Variants in MAF observed in about 807,000 individuals in gnomAD.
MAF encodes the protein MAF bZIP transcription factor, also known as transcription factor Maf.
In MAF, 10 loss-of-function variants were observed where a neutral mutation model predicts 22.0. The observed-to-expected ratio is 0.45, with a 90% confidence interval of 0.28 to 0.77. The LOEUF (loss-of-function observed/expected upper bound fraction) is 0.77. MAF is among the 30% of genes least tolerant of loss of function. The pLI, the probability that MAF is intolerant of heterozygous loss-of-function variation, is 0.12. For missense variants in MAF, 544 were observed against 548.4 expected (o/e 0.99, Z 0.08); for synonymous variants, 337 against 255.8 (o/e 1.32, Z -3.03).
At chr16:79,503,137 G>C in the MAF span, among the ~76,000 whole-genome samples, 1 of 152,168 alleles carries the variant, frequency 6.6e-6, no homozygotes, top group Admixed American at 6.5e-5. Context: ...CACAAGTTCA[G>C]AAATCAATTA....
At chr16:79,524,773 C>A in the MAF span, among the ~76,000 whole-genome samples, 1 of 152,176 alleles carries the variant, frequency 6.6e-6, no homozygotes, top group Non-Finnish European at 1.5e-5. Context: ...AATTCTTTAT[C>A]CCATTGGATA....
the MAF span, among the ~76,000 whole-genome samples, chr16:79,294,259 T>C: frequency 6.6e-6 from 1 of 152,212 alleles, no homozygotes; most frequent in Non-Finnish European, 1.5e-5. Context: ...CCTCTTAGAC[T>C]CTTGTATATG....
chr16:79,218,433 A>T, the MAF span, among the ~76,000 whole-genome samples: 1 of 152,194 alleles, frequency 6.6e-6, no homozygotes, highest in Middle Eastern at 3.4e-3. Flanking sequence ...CTATCAATTG[A>T]TCTCCTCAGC....
the MAF span, among the ~76,000 whole-genome samples, chr16:79,282,659 A>G: frequency 2.6e-3 from 392 of 152,324 alleles, 2 homozygotes; most frequent in African/African-American, 9.0e-3. Context: ...AAATTCTCAA[A>G]TTACTCAGTA....
the MAF span, among the ~76,000 whole-genome samples, chr16:79,447,029 G>C: frequency 6.6e-6 from 1 of 152,116 alleles, no homozygotes; most frequent in East Asian, 1.9e-4. Context: ...TTATAAATTG[G>C]GTGTATTCAA....
chr16:79,351,557 T>G, the MAF span, among the ~76,000 whole-genome samples: 1 of 151,882 alleles, frequency 6.6e-6, no homozygotes, highest in Non-Finnish European at 1.5e-5. Flanking sequence ...AATCTCAGAG[T>G]CACAGAGACC....
chr16:79,258,741 T>C, the MAF span, among the ~76,000 whole-genome samples: 2 of 152,158 alleles, frequency 1.3e-5, no homozygotes, highest in African/African-American at 4.8e-5. Context: ...GTGATCTAAA[T>C]AGACATCCCC....
At chr16:79,520,955 T>C in the MAF span, among the ~76,000 whole-genome samples, 9 of 152,200 alleles carry the variant, frequency 5.9e-5, no homozygotes, top group Admixed American at 5.2e-4. Context: ...ATATTTTAGA[T>C]GAATAAACTG....
the MAF span, among the ~76,000 whole-genome samples, chr16:79,550,981 C>T: frequency 0.011 from 1,741 of 152,168 alleles, 37 homozygotes; most frequent in African/African-American, 0.04. Context: ...TTTGGAGGCC[C>T]CCGTGGCCTC....
At chr16:79,468,001 T>A in the MAF span, among the ~76,000 whole-genome samples, 21 of 152,254 alleles carry the variant, frequency 1.4e-4, no homozygotes, top group Admixed American at 1.3e-4. Flanking sequence ...TTAACATTAT[T>A]GATTGATCAG....
chr16:79,429,381 C>T, the MAF span, among the ~76,000 whole-genome samples: 1 of 152,164 alleles, frequency 6.6e-6, no homozygotes, highest in Admixed American at 6.5e-5. Flanking sequence ...TGTGTGCCTC[C>T]TCTTTCTCTC....
At chr16:79,453,417 C>A in the MAF span, among the ~76,000 whole-genome samples, 1 of 152,172 alleles carries the variant, frequency 6.6e-6, no homozygotes, top group African/African-American at 2.4e-5. Context: ...TCCTATACAT[C>A]TTGATAGAAG....
chr16:79,359,949 T>TG, the MAF span, among the ~76,000 whole-genome samples: 1 of 152,304 alleles, frequency 6.6e-6, no homozygotes, highest in South Asian at 2.1e-4. Flanking sequence ...TGTGAAGGAT[T>TG]GCCATTCATG....
the MAF span, among the ~76,000 whole-genome samples, chr16:79,534,730 G>A: frequency 2.0e-5 from 3 of 151,960 alleles, no homozygotes; most frequent in African/African-American, 7.3e-5. Flanking sequence ...AGAACTTAAA[G>A]TATAATTTAA....
the MAF span, among the ~76,000 whole-genome samples, chr16:79,379,816 C>A: frequency 6.6e-6 from 1 of 152,152 alleles, no homozygotes; most frequent in Non-Finnish European, 1.5e-5. Flanking sequence ...AGCGGTAAAG[C>A]TCTGTGCTTG....
At chr16:79,329,849 C>A in the MAF span, among the ~76,000 whole-genome samples, 1 of 152,124 alleles carries the variant, frequency 6.6e-6, no homozygotes, top group African/African-American at 2.4e-5. Context: ...TCTCTTCCAA[C>A]TCGATTATCT....
the MAF span, among the ~76,000 whole-genome samples, chr16:79,574,059 A>G: frequency 1.3e-5 from 2 of 152,262 alleles, no homozygotes; most frequent in Non-Finnish European, 2.9e-5. Context: ...TGTGTTGGAC[A>G]CAAAAATAAA....
the MAF span, among the ~76,000 whole-genome samples, chr16:79,578,000 A>G: frequency 2.0e-5 from 3 of 152,150 alleles, no homozygotes; most frequent in African/African-American, 7.2e-5. Context: ...TCTGGTTTCA[A>G]ATTTATGTCT....
At chr16:79,536,261 C>T in the MAF span, among the ~76,000 whole-genome samples, 22 of 152,366 alleles carry the variant, frequency 1.4e-4, no homozygotes, top group African/African-American at 3.4e-4. Flanking sequence ...CAGTCAACAA[C>T]AGCAACAACA....
Sources: gnomAD v4.1 joint callset for allele counts (sites outside exome capture counted in the v4.1 genomes callset) on GRCh38, gnomAD v4.1.1 for gene constraint, MANE v1.5 for transcripts, NCBI Gene and HGNC (gene_info 2026-07-23, HGNC 2026-07-21) for gene names.